CFAP43: variants seen among roughly 807,000 people sequenced by gnomAD.
CFAP43 encodes the protein cilia- and flagella-associated protein 43.
A neutral mutation model predicts 218.9 loss-of-function variants in CFAP43; 155 were observed. The observed-to-expected ratio is 0.71, with a 90% confidence interval of 0.62 to 0.81. The LOEUF (loss-of-function observed/expected upper bound fraction) is 0.81, where lower values mean the gene tolerates loss of function less well. Ranked by LOEUF, CFAP43 falls within the 30% of genes least tolerant of loss-of-function variation. The probability of loss-of-function intolerance (pLI) is 0.00; values close to 1 mark genes in which losing one functional copy is unlikely to be tolerated. For missense variants in CFAP43, 1,778 were observed against 1,954.3 expected (o/e 0.91, Z 1.70); for synonymous variants, 645 against 681.3 (o/e 0.95, Z 0.83).
intron 2 of CFAP43, among the ~76,000 whole-genome samples, chr10:104,228,083 C>A (rs889924111): frequency 2.0e-5 from 3 of 152,048 alleles, no homozygotes; most frequent in Admixed American, 6.6e-5. Context: ...ACCTCGTGAT[C>A]CACCTGCCTT....
chr10:104,193,733 A>G, intron 11 of CFAP43, 133 bp downstream of exon 11: 1 of 1,236,512 alleles, frequency 8.1e-7, no homozygotes, highest in Non-Finnish European at 1.1e-6. Context: ...TGAGTGTTGA[A>G]CTGTGTGAAT....
chr10:104,185,978 G>T lies in CFAP43; in HGVS notation c.2006C>A (p.Thr669Asn). 11 of 1,610,710 alleles carry T rather than the reference G, an allele frequency of 6.8e-6. No individual in the cohort carries two copies. The highest frequency in any genetic ancestry group is 9.3e-6 in the Non-Finnish European group (11 of 1,179,032). Reference sequence around the variant, plus strand: ...TTTTTTAAGAAAGCAGCTTACCAAAGTATAAACGTCTCGGATACACAGAAT... The same window carrying T: ...TTTTTTAAGAAAGCAGCTTACCAAATTATAAACGTCTCGGATACACAGAAT... ...CGILCIRDVYTLETFAWCRSH... is the reference protein window; with the variant it reads ...CGILCIRDVYNLETFAWCRSH... Residue 669 changes from threonine (T) to asparagine (N), a missense_variant, in exon 15 of 38, where the codon ACT (threonine) becomes AAT (asparagine). Physicochemically the swap from Thr to Asn is moderately conservative, Grantham distance 65 (BLOSUM62 0). This residue lies in a region of CFAP43 where 1,553 missense variants were observed against 1,685.2 expected (regional missense o/e 0.92). Coordinates refer to ENST00000357060, the MANE Select transcript of CFAP43 (RefSeq NM_025145.7).
In CFAP43 at chr10:104,132,245, A is replaced by G. The variant is rs1383958249; in HGVS notation, c.4597-49T>C. 6 of 1,293,960 alleles carry G rather than the reference A, an allele frequency of 4.6e-6. No individual in the cohort carries two copies. The Admixed American group carries it at 1.1e-4, about 23-fold the overall frequency. 80.2% of individuals were successfully genotyped at this position (1,293,960 alleles called of 1,614,324 possible). ...TAAGGATATTTTTCTCTCTTTCAAT[A>G]GATGACTTTATAAAGGTTGTTTTAG... is the stretch of plus-strand genomic sequence containing the variant. On this transcript the variant is annotated intron_variant, in intron 35 of 37. Transcript: ENST00000357060.
chr10:104,212,261 C>A lies in CFAP43; in HGVS notation c.585-104G>T. 7.1e-6 allele frequency: 8 copies of A among 1,124,142 alleles called. No homozygotes were observed. In the South Asian group the frequency reaches 1.2e-4, roughly 16 times the overall value. The allele number at this position is 1,124,142 out of a possible 1,614,324, so 69.6% of individuals were successfully genotyped here. On this transcript the variant is annotated intron_variant, in intron 4 of 37. Transcript: ENST00000357060. ...TGAGGTGGGGAGGTATTATAACTTGCAAAAATCAAATAAGAAGATAAAAGC... is the reference window on the plus strand; with the variant it reads ...TGAGGTGGGGAGGTATTATAACTTGAAAAAATCAAATAAGAAGATAAAAGC...
intron 30 of CFAP43, 138 bp from the exon 31 acceptor site, chr10:104,145,702 A>G (rs2087931546): frequency 1.9e-6 from 1 of 524,628 alleles, no homozygotes; most frequent in African/African-American, 1.9e-5. Context: ...GTTGTTAGAC[A>G]TTAACCATTC....
Position 104,167,653 on chromosome 10 carries a change from G to A in CFAP43, c.2776C>T (p.Gln926Ter). The change falls in exon 22 of 38, where the codon CAG becomes TAG. Residue 926 changes from glutamine to a stop codon, truncating the protein, a stop_gained. Coordinates refer to ENST00000357060, the MANE Select transcript of CFAP43 (RefSeq NM_025145.7). LOFTEE classifies it high-confidence loss of function. ...EELKELERVL[Q>*]QKKIEAECLK... The stretch of plus-strand genomic sequence containing the variant: ...CACTCTGCTTCAATCTTCTTTTGCT[G>A]TAAAACTCTTTCCAATTCTTTCAGC... The A allele has an allele frequency of 6.2e-7, 1 of 1,612,228 alleles. No homozygotes were observed. The highest frequency in any genetic ancestry group is 8.5e-7 in the Non-Finnish European group (1 of 1,179,500).
At chr10:104,175,121 A>C (rs1027479886) in intron 19 of CFAP43, among the ~76,000 whole-genome samples, 5 of 150,806 alleles carry the variant, frequency 3.3e-5, no homozygotes, top group Non-Finnish European at 3.0e-5. Context: ...ATAACTTTAA[A>C]AGTTATATAT....
At chr10:104,218,553 A>G (rs927355859) in intron 3 of CFAP43, among the ~76,000 whole-genome samples, 1 of 151,974 alleles carries the variant, frequency 6.6e-6, no homozygotes, top group African/African-American at 2.4e-5. Context: ...AGTGGGCACT[A>G]ACATTTTTTA....
chr10:104,207,318 G>C (rs931329222), intron 6 of CFAP43, among the ~76,000 whole-genome samples: 14 of 152,222 alleles, frequency 9.2e-5, no homozygotes, highest in African/African-American at 3.4e-4. Context: ...AAGCAGAATG[G>C]GCATATGTAT....
chr10:104,221,973 G>C (rs2091193776), intron 3 of CFAP43, among the ~76,000 whole-genome samples: 1 of 152,062 alleles, frequency 6.6e-6, no homozygotes, highest in African/African-American at 2.4e-5. Context: ...CCACCAGCCT[G>C]GGACTATAAC....
At chr10:104,130,648 T>A (rs1304434212) in intron 37 of CFAP43, among the ~76,000 whole-genome samples, 1 of 152,130 alleles carries the variant, frequency 6.6e-6, no homozygotes, top group Non-Finnish European at 1.5e-5. Flanking sequence ...CCACATGTTC[T>A]CACTTATAAA....
In CFAP43 at chr10:104,232,331, C is replaced by G. The variant is rs1268073814; in HGVS notation, c.-85G>C. On this transcript the variant is annotated 5_prime_UTR_variant, in exon 1 of 38. Transcript: ENST00000357060. ...TTACCTTTCCGCCGCCGCGGGGCTG[C>G]GGGCCGCGACGCCGCTGCTGTGTAC... 6 of 1,321,238 alleles carry G rather than the reference C, an allele frequency of 4.5e-6. No homozygotes were observed. In the African/African-American group the frequency reaches 7.6e-5, roughly 17 times the overall value. The allele number at this position is 1,321,238 out of a possible 1,614,324, so 81.8% of individuals were successfully genotyped here.
intron 2 of CFAP43, among the ~76,000 whole-genome samples, chr10:104,227,755 C>A (rs933204863): frequency 3.3e-5 from 5 of 149,602 alleles, no homozygotes; most frequent in Non-Finnish European, 7.4e-5. Flanking sequence ...TCAAATATGT[C>A]TGTCTTTTCT....
At position 104,140,867 on chromosome 10, in the gene CFAP43, A is replaced by C. The variant is rs1298003474; in HGVS notation, c.4406T>G (p.Ile1469Ser). 12 of 1,605,596 alleles carry C rather than the reference A, an allele frequency of 7.5e-6. No individual in the cohort carries two copies. The Admixed American group carries it at 2.1e-4, about 28-fold the overall frequency. The stretch of plus-strand genomic sequence containing the variant: ...CCGAATCACAGAATTCAAGTCTTCA[A>C]TTATGTTCTTGTTGATGAGAATTGC... ...SDAILINKNI[I>S]EDLNSVIRTQ... The change falls in exon 34 of 38, where the codon ATT (isoleucine) becomes AGT (serine). Residue 1469 changes from isoleucine to serine, a missense_variant. By Grantham distance (142) the Ile-to-Ser change is moderately radical (BLOSUM62 -2). Around this residue, in one of 3 missense-constraint regions of CFAP43, gnomAD observed 211 missense variants for 230.6 expected, o/e 0.91. Transcript: ENST00000357060.
chr10:104,168,716 G>A, intron 21 of CFAP43, 28 bp downstream of exon 21: 1 of 1,556,666 alleles, frequency 6.4e-7, no homozygotes, highest in Non-Finnish European at 8.9e-7. Context: ...TTCTCATCAG[G>A]TTTTGTACCT....
At chr10:104,196,811 A>G in intron 10 of CFAP43, 42 bp downstream of exon 10, 1 of 1,475,322 alleles carries the variant, frequency 6.8e-7, no homozygotes, top group African/African-American at 1.4e-5. Flanking sequence ...ATTGGATTAG[A>G]ATTCAGTATT....
Position 104,179,923 on chromosome 10 carries a change from C to A in CFAP43, c.2299G>T (p.Ala767Ser), listed in dbSNP as rs1256724690. 6.2e-7 allele frequency: 1 copy of A among 1,612,826 alleles called. No individual in the cohort carries two copies. Among genetic ancestry groups the A allele is most frequent in the East Asian group, 2.2e-5 (1 of 44,836 alleles). Residue 767 changes from alanine (A) to serine (S), a missense_variant, in exon 18 of 38, where the codon GCA becomes TCA. Coordinates refer to ENST00000357060, the MANE Select transcript of CFAP43 (RefSeq NM_025145.7). ...TCATCTTGTGATAAGTCAGTGCTTG[C>A]CTTCTGTTTCTGATACATGGTAGAA... ...GSDSEHTKQK[A>S]STDLSQDELV...
chr10:104,155,074 A>G (rs1386557069), intron 27 of CFAP43, among the ~76,000 whole-genome samples: 1 of 152,130 alleles, frequency 6.6e-6, no homozygotes, highest in African/African-American at 2.4e-5. Flanking sequence ...TGGCTGGGGA[A>G]GGGCAGAGGA....
Position 104,142,331 on chromosome 10 carries a change from C to T in CFAP43, c.4221G>A (p.Glu1407=). 1.2e-6 allele frequency: 2 copies of T among 1,613,522 alleles called. No homozygotes were observed. The highest frequency in any genetic ancestry group is 1.7e-6 in the Non-Finnish European group (2 of 1,179,754). Reference sequence around the variant, plus strand: ...CAATCTCCTGTTGCACCTTCTCTTCCTCCTCAACTCTCTTCTGGAGGAAAG... The same window carrying T: ...CAATCTCCTGTTGCACCTTCTCTTCTTCCTCAACTCTCTTCTGGAGGAAAG... ...MATFLQKRVE[E]EEKVQQEIER... The change falls in exon 33 of 38, where the codon GAG becomes GAA. Residue 1407 remains glutamate, a synonymous_variant. Coordinates refer to ENST00000357060, the MANE Select transcript of CFAP43 (RefSeq NM_025145.7).
Sources: allele counts gnomAD v4.1 joint callset (sites outside exome capture counted in the v4.1 genomes callset), GRCh38; gene constraint gnomAD v4.1.1; regional missense constraint gnomAD v4.1.1; transcripts MANE v1.5; gene names NCBI Gene and HGNC (gene_info 2026-07-23, HGNC 2026-07-21).